The following PHLPP1 variants were observed in gnomAD, a reference collection of about 807,000 sequenced individuals.
PHLPP1 encodes the protein PH domain and leucine rich repeat protein phosphatase 1.
A neutral mutation model predicts 117.2 loss-of-function variants in PHLPP1; 42 were observed. That is an observed-to-expected ratio of 0.36 (90% CI 0.28 to 0.46). The LOEUF (loss-of-function observed/expected upper bound fraction) is 0.46, where lower values mean the gene tolerates loss of function less well. Ranked by LOEUF, PHLPP1 falls within the 20% of genes least tolerant of loss-of-function variation. The pLI, the probability that PHLPP1 is intolerant of heterozygous loss-of-function variation, is 1.00. For missense variants in PHLPP1, 2,084 were observed against 2,241.9 expected, an observed-to-expected ratio of 0.93 and a Z score of 1.42; for synonymous variants, 1,042 against 970.7, an observed-to-expected ratio of 1.07 and a Z score of -1.37.
intron 1 of PHLPP1, among the ~76,000 whole-genome samples, chr18:62,775,153 A>G (rs1397067565): frequency 1.3e-5 from 2 of 152,192 alleles, no homozygotes. Flanking sequence ...GCTGGAGTGC[A>G]GTGGCGCCAT....
At chr18:62,825,360 A>G (rs1248565687) in intron 1 of PHLPP1, 2 of 148,510 alleles carry the variant, frequency 1.3e-5, no homozygotes, top group Non-Finnish European at 3.0e-5. Flanking sequence ...ATGTATGTAT[A>G]TATATAAATA....
intron 1 of PHLPP1, among the ~76,000 whole-genome samples, chr18:62,749,938 C>A (rs1911793813): frequency 6.6e-6 from 1 of 152,174 alleles, no homozygotes; most frequent in Non-Finnish European, 1.5e-5. Context: ...ATCTCTTAAA[C>A]CCCGGAGGCG....
chr18:62,726,095 A>G (rs980797669), intron 1 of PHLPP1, among the ~76,000 whole-genome samples: 3 of 151,872 alleles, frequency 2.0e-5, no homozygotes, highest in Non-Finnish European at 4.4e-5. Flanking sequence ...GCACACACAC[A>G]CTATATATAT....
chr18:62,812,892 A>G (rs537882782), intron 1 of PHLPP1, among the ~76,000 whole-genome samples: 94 of 152,312 alleles, frequency 6.2e-4, no homozygotes, highest in African/African-American at 2.2e-3. Flanking sequence ...CAGGTCTACC[A>G]TCTGTTACAA....
intron 13 of PHLPP1, among the ~76,000 whole-genome samples, chr18:62,959,539 TTTC>T (rs1430747439): frequency 6.6e-6 from 1 of 152,242 alleles, no homozygotes; most frequent in Non-Finnish European, 1.5e-5. Flanking sequence ...TAGTGTTTAT[TTTC>T]TTCTTTAAAC....
chr18:62,926,236 C>T (rs1372315920), intron 10 of PHLPP1, among the ~76,000 whole-genome samples: 1 of 152,044 alleles, frequency 6.6e-6, no homozygotes, highest in East Asian at 1.9e-4. Flanking sequence ...AAAAATCTAC[C>T]TCAGTCCTGG....
chr18:62,903,517 A>G (rs1249476184), intron 7 of PHLPP1, among the ~76,000 whole-genome samples: 1 of 152,174 alleles, frequency 6.6e-6, no homozygotes, highest in Non-Finnish European at 1.5e-5. Flanking sequence ...CCTTTATTTA[A>G]TACTGGAGAA....
intron 13 of PHLPP1, among the ~76,000 whole-genome samples, chr18:62,962,733 A>T (rs67955403): frequency 0.078 from 11,808 of 152,304 alleles, 640 homozygotes; most frequent in Middle Eastern, 0.13. Flanking sequence ...GTTTAAATAC[A>T]TACAGTTAAC....
intron 1 of PHLPP1, among the ~76,000 whole-genome samples, chr18:62,779,118 G>A (rs1913049056): frequency 6.6e-6 from 1 of 152,122 alleles, no homozygotes; most frequent in South Asian, 2.1e-4. Flanking sequence ...AGGCCTTCAT[G>A]CTCAGCCTTA....
At chr18:62,801,653 T>C (rs947372903) in intron 1 of PHLPP1, among the ~76,000 whole-genome samples, 9 of 152,164 alleles carry the variant, frequency 5.9e-5, no homozygotes, top group Non-Finnish European at 1.2e-4. Flanking sequence ...GGTTTCCCCA[T>C]GTTGGCCAGA....
In PHLPP1 at chr18:62,979,203, C is replaced by T. The variant is rs745358948; in HGVS notation, c.4926C>T (p.Asp1642=). ...RSHNVIEVAT[D]APLRKPGGYF... ...ACAATGTGATAGAGGTGGCTACAGA[C>T]GCACCTCTTCGAAAGCCTGGAGGCT... Residue 1642 remains aspartate, a synonymous_variant, in exon 17 of 17, where the codon GAC becomes GAT. Transcript: ENST00000262719. 4.4e-5 allele frequency: 71 copies of T among 1,611,970 alleles called. No individual in the cohort carries two copies. The African/African-American group carries it at 5.1e-4, about 11-fold the overall frequency.
rs911631231 is a variant in PHLPP1 at position 62,739,301 on chromosome 18, C to A, written c.1576+22042C>A. Among the ~76,000 whole-genome samples, 4 of 152,284 alleles carry A rather than the reference C, an allele frequency of 2.6e-5. No individual in the cohort carries two copies. In the East Asian group the frequency reaches 7.7e-4, roughly 29 times the overall value. The stretch of plus-strand genomic sequence containing the variant: ...AAATAATTCAGACATGAAGGAGATA[C>A]AACTCTATGATTATGTTTATATGAA... On this transcript the variant is annotated intron_variant, in intron 1 of 16. Transcript: ENST00000262719.
intron 4 of PHLPP1, among the ~76,000 whole-genome samples, chr18:62,872,711 G>A (rs1330108379): frequency 1.3e-5 from 2 of 149,678 alleles, no homozygotes; most frequent in South Asian, 2.1e-4. Flanking sequence ...ATTAGGTGGG[G>A]CGTGGTGGCT....
intron 2 of PHLPP1, among the ~76,000 whole-genome samples, chr18:62,836,371 G>A (rs941256173): frequency 7.3e-5 from 11 of 151,626 alleles, no homozygotes; most frequent in Admixed American, 2.6e-4. Flanking sequence ...GGCAGAGGTT[G>A]CAGTGAGCTG....
intron 1 of PHLPP1, among the ~76,000 whole-genome samples, chr18:62,738,186 T>C (rs1422067488): frequency 6.7e-6 from 1 of 150,340 alleles, no homozygotes; most frequent in Non-Finnish European, 1.5e-5. Flanking sequence ...ACCCTTTCTC[T>C]ACCATTTTTT....
At chr18:62,758,539 T>TA (rs72254735) in intron 1 of PHLPP1, among the ~76,000 whole-genome samples, 4 of 152,142 alleles carry the variant, frequency 2.6e-5, no homozygotes, top group South Asian at 2.1e-4. Flanking sequence ...AGCAAGCAAA[T>TA]AAAAAAAATT....
chr18:62,884,513 A>G (rs1003266160), intron 4 of PHLPP1, among the ~76,000 whole-genome samples: 1 of 152,242 alleles, frequency 6.6e-6, no homozygotes, highest in Non-Finnish European at 1.5e-5. Flanking sequence ...GAGCCACTCA[A>G]AGCCATTAGG....
chr18:62,928,392 A>G (rs1174653425), intron 10 of PHLPP1, among the ~76,000 whole-genome samples: 1 of 152,164 alleles, frequency 6.6e-6, no homozygotes, highest in Non-Finnish European at 1.5e-5. Context: ...AAATATACAA[A>G]TGGCCAAGAA....
chr18:62,820,345 C>T lies in PHLPP1; in HGVS notation c.1577-9690C>T, dbSNP rs148714102. Among the ~76,000 whole-genome samples, 381 of 152,276 alleles carry T rather than the reference C, an allele frequency of 2.5e-3. 1 individual carries two copies. Among genetic ancestry groups the T allele is most frequent in the Non-Finnish European group, 4.2e-3 (284 of 68,024 alleles). On this transcript the variant is annotated intron_variant, in intron 1 of 16. Transcript: ENST00000262719. ...TGACTAGCACTCTTAGCCAACTGGA[C>T]CTCAGTTTATAGAATAATGCACTCT...
Sources: gnomAD v4.1 joint callset for allele counts (sites outside exome capture counted in the v4.1 genomes callset) on GRCh38, gnomAD v4.1.1 for gene constraint, MANE v1.5 for transcripts, NCBI Gene and HGNC (gene_info 2026-07-23, HGNC 2026-07-21) for gene names.